The following SAMD4B variants were observed in gnomAD, a reference collection of about 807,000 sequenced individuals.
SAMD4B encodes the protein protein Smaug homolog 2.
A neutral mutation model predicts 74.5 loss-of-function variants in SAMD4B; 5 were observed. That is an observed-to-expected ratio of 0.07 (90% confidence interval 0.04 to 0.14). SAMD4B has a LOEUF of 0.14. Among genes scored for constraint, SAMD4B ranks in the 10% least tolerant of loss-of-function variants. The pLI, the probability that SAMD4B is intolerant of heterozygous loss-of-function variation, is 1.00. For synonymous variants in SAMD4B, 373 were observed against 374.9 expected, an observed-to-expected ratio of 1.00 and a Z score of 0.06; for missense variants, 608 against 921.8, an observed-to-expected ratio of 0.66 and a Z score of 4.41.
chr19:39,372,213 A>G (rs1355289816), intron 4 of SAMD4B, among the ~76,000 whole-genome samples: 1 of 152,190 alleles, frequency 6.6e-6, no homozygotes, highest in African/African-American at 2.4e-5. Flanking sequence ...AGGGGACAGT[A>G]TACAGACAGA....
chr19:39,356,061 C>T (rs2076326103), intron 2 of SAMD4B, among the ~76,000 whole-genome samples: 1 of 152,170 alleles, frequency 6.6e-6, no homozygotes, highest in Admixed American at 6.5e-5. Flanking sequence ...TTGAAAAGCC[C>T]TTTGTCCATG....
rs555706421 is a variant in SAMD4B, at chr19:39,383,570, G to A, written c.*43G>A. ...CGCACCCATAGGCTCCCTGGGCGGCGGGCGGGGGCCAACCCCCAACGGGCT... is the reference window on the plus strand; with the variant it reads ...CGCACCCATAGGCTCCCTGGGCGGCAGGCGGGGGCCAACCCCCAACGGGCT... On this transcript the variant is annotated 3_prime_UTR_variant, in exon 14 of 14. Transcript: ENST00000610417. This position sits in a 1 kb window ranked among gnomAD's most constrained non-coding sequence, Gnocchi z 4.1. 13 of 1,614,196 alleles carry A rather than the reference G, an allele frequency of 8.1e-6. No individual in the cohort carries two copies. Among genetic ancestry groups the A allele is most frequent in the East Asian group, 2.2e-5 (1 of 44,880 alleles).
At chr19:39,366,653 A>C (rs1293224909) in intron 3 of SAMD4B, among the ~76,000 whole-genome samples, 1 of 152,190 alleles carries the variant, frequency 6.6e-6, no homozygotes, top group Non-Finnish European at 1.5e-5. Context: ...CAGAGTTCTA[A>C]GGGGATCATT....
chr19:39,347,675 A>G (rs2075783387), intron 1 of SAMD4B, among the ~76,000 whole-genome samples: 1 of 152,228 alleles, frequency 6.6e-6, no homozygotes, highest in Non-Finnish European at 1.5e-5. Flanking sequence ...TTTCCAAGAC[A>G]CAGAACTTTG....
intron 1 of SAMD4B, among the ~76,000 whole-genome samples, chr19:39,353,618 T>A (rs2076178321): frequency 6.6e-6 from 1 of 152,176 alleles, no homozygotes; most frequent in South Asian, 2.1e-4. Flanking sequence ...TGTTTTCTTT[T>A]TGAGATGGAA....
chr19:39,358,700 A>G (rs1291734015), intron 3 of SAMD4B, among the ~76,000 whole-genome samples: 1 of 152,200 alleles, frequency 6.6e-6, no homozygotes, highest in Non-Finnish European at 1.5e-5. Context: ...GTGGCTTCCT[A>G]CATGCCTGAC....
downstream of SAMD4B, chr19:39,389,994 A>T: frequency 8.0e-7 from 1 of 1,251,096 alleles, no homozygotes; most frequent in Non-Finnish European, 1.2e-6. This position sits in a 1 kb window ranked among gnomAD's most constrained non-coding sequence, Gnocchi z 5.3. Flanking sequence ...CTGAGCAGAC[A>T]GCAGCCAACG....
intron 3 of SAMD4B, among the ~76,000 whole-genome samples, chr19:39,362,325 G>A (rs998976244): frequency 5.9e-5 from 9 of 152,162 alleles, no homozygotes; most frequent in African/African-American, 2.4e-5. Flanking sequence ...GGGTAGGCCC[G>A]GGAAGCTGGT....
chr19:39,349,222 C>CA (rs750143540), intron 1 of SAMD4B, among the ~76,000 whole-genome samples: 6 of 152,044 alleles, frequency 3.9e-5, no homozygotes, highest in Non-Finnish European at 7.4e-5. Flanking sequence ...AAAGATGACT[C>CA]AAAAAAATGT....
chr19:39,360,964 A>G (rs2076611464), intron 3 of SAMD4B, among the ~76,000 whole-genome samples: 1 of 152,064 alleles, frequency 6.6e-6, no homozygotes, highest in Non-Finnish European at 1.5e-5. Context: ...TTGTTGTGAG[A>G]CATGAGACAC....
chr19:39,356,723 C>T lies in SAMD4B; in HGVS notation c.-171C>T. The T allele has an allele frequency of 1.8e-6, 1 of 569,468 alleles. No homozygotes were observed. Among genetic ancestry groups the T allele is most frequent in the East Asian group, 2.9e-5 (1 of 34,168 alleles). The allele number at this position is 569,468 out of a possible 1,614,324, so 35.3% of individuals were successfully genotyped here. ...GAGGCGTGGCTGGACCAAGACCTCC[C>T]CCCATGTGAGCAGGCTTCCTCCTCC... On this transcript the variant is annotated 5_prime_UTR_variant, in exon 3 of 14. Coordinates refer to ENST00000610417, the MANE Select transcript of SAMD4B (RefSeq NM_001384574.2).
rs2078151949 is a variant in SAMD4B at position 39,383,848 on chromosome 19, C to G, written c.*321C>G. 1.3e-6 allele frequency: 1 copy of G among 784,308 alleles called. No homozygotes were observed. The highest frequency in any genetic ancestry group is 2.0e-6 in the Non-Finnish European group (1 of 494,078). 48.6% of individuals were successfully genotyped at this position (784,308 alleles called of 1,614,324 possible). A position where few individuals can be genotyped will look rare whatever the true frequency, so the allele number is the denominator to read the frequency against. ...CCATCCCACCCCTGCCTCCTCCAGACCGCTGACCACCTGCCTCTCCCCAAG... is the reference window on the plus strand; with the variant it reads ...CCATCCCACCCCTGCCTCCTCCAGAGCGCTGACCACCTGCCTCTCCCCAAG... On this transcript the variant is annotated 3_prime_UTR_variant, in exon 14 of 14. Transcript: ENST00000610417. This position sits in a 1 kb window ranked among gnomAD's most constrained non-coding sequence, Gnocchi z 4.1.
In SAMD4B at chr19:39,369,913, A is replaced by G. The variant is rs200021065; in HGVS notation, c.455A>G (p.Glu152Gly). The change falls in exon 4 of 14, where the codon GAG becomes GGG. Residue 152 changes from glutamate to glycine, a missense_variant. Physicochemically the swap from Glu to Gly is moderately conservative, Grantham distance 98. Around this residue, in one of 9 missense-constraint regions of SAMD4B, gnomAD observed 153 missense variants for 153.0 expected, o/e 1.00. Transcript: ENST00000610417. Reference sequence around the variant, plus strand: ...GCCCTCTGGCTGAGCCACCTGGAAGAGCGGTTGGCTAGTGGCTTCCGCTCC... The same window carrying G: ...GCCCTCTGGCTGAGCCACCTGGAAGGGCGGTTGGCTAGTGGCTTCCGCTCC... ...ALALWLSHLE[E>G]RLASGFRSRP... 3.3e-5 allele frequency: 53 copies of G among 1,614,084 alleles called. No individual in the cohort carries two copies. Among genetic ancestry groups the G allele is most frequent in the Non-Finnish European group, 4.4e-5 (52 of 1,180,040 alleles).
At chr19:39,386,300 A>T, downstream of SAMD4B, 1 of 1,613,912 alleles carries the variant, frequency 6.2e-7, no homozygotes, top group South Asian at 1.1e-5. This position sits in a 1 kb window ranked among gnomAD's most constrained non-coding sequence, Gnocchi z 6.1. Context: ...CACTCTTGTC[A>T]CTGGCCTCGT....
downstream of SAMD4B, chr19:39,389,607 C>T (rs990903021): frequency 1.9e-6 from 3 of 1,614,192 alleles, no homozygotes; most frequent in South Asian, 2.2e-5. This position sits in a 1 kb window ranked among gnomAD's most constrained non-coding sequence, Gnocchi z 5.3. Flanking sequence ...CCTTTGCTGA[C>T]CTAGAGCAGA....
In SAMD4B at chr19:39,383,821, TC is replaced by T; in HGVS notation, c.*297del. 1 of 1,102,318 alleles carries T rather than the reference TC, an allele frequency of 9.1e-7. No individual in the cohort carries two copies. Among genetic ancestry groups the T allele is most frequent in the Non-Finnish European group, 1.3e-6 (1 of 770,852 alleles). 68.3% of individuals were successfully genotyped at this position (1,102,318 alleles called of 1,614,324 possible). ...CCTTTCCTTCCTCATCCCCACCTGGTCCCATCCCACCCCTGCCTCCTCCAGA... is the reference window on the plus strand; with the variant it reads ...CCTTTCCTTCCTCATCCCCACCTGGTCCATCCCACCCCTGCCTCCTCCAGA... On this transcript the variant is annotated 3_prime_UTR_variant, in exon 14 of 14. Coordinates refer to ENST00000610417, the MANE Select transcript of SAMD4B (RefSeq NM_001384574.2). The surrounding 1 kb of genome is among the most constrained non-coding windows in gnomAD (Gnocchi z 4.1).
chr19:39,359,962 G>A (rs1409694715), intron 3 of SAMD4B: 3 of 152,146 alleles, frequency 2.0e-5, no homozygotes, highest in African/African-American at 7.2e-5. Flanking sequence ...GAGGCAGGCG[G>A]ATCACGAGGT....
Position 39,383,386 on chromosome 19 carries a change from G to A in SAMD4B, c.2056+95G>A. Reference sequence around the variant, plus strand: ...CAGAGTCATCCTGAGGGGTCCCCAGGGGAGGCCAGACTCCAGGGAGGGCCT... The same window carrying A: ...CAGAGTCATCCTGAGGGGTCCCCAGAGGAGGCCAGACTCCAGGGAGGGCCT... On this transcript the variant is annotated intron_variant, in intron 13 of 13. Coordinates refer to ENST00000610417, the MANE Select transcript of SAMD4B (RefSeq NM_001384574.2). The surrounding 1 kb of genome is among the most constrained non-coding windows in gnomAD (Gnocchi z 4.1). 1.9e-6 allele frequency: 3 copies of A among 1,572,624 alleles called. No individual in the cohort carries two copies. The highest frequency in any genetic ancestry group is 2.6e-6 in the Non-Finnish European group (3 of 1,142,280).
intron 3 of SAMD4B, 152 bp from the exon 4 acceptor site, chr19:39,369,503 A>T: frequency 1.5e-6 from 1 of 646,754 alleles, no homozygotes. Context: ...GTTTGATCTC[A>T]CCTATATGAG....
Sources: allele counts gnomAD v4.1 joint callset (sites outside exome capture counted in the v4.1 genomes callset), GRCh38; gene constraint gnomAD v4.1.1; regional missense constraint gnomAD v4.1.1; non-coding constraint Gnocchi (gnomAD v3.1); transcripts MANE v1.5; gene names NCBI Gene and HGNC (gene_info 2026-07-23, HGNC 2026-07-21).